The following ATP6V0A2 variants were observed in gnomAD, a reference collection of about 807,000 sequenced individuals.
The protein encoded by ATP6V0A2 is V-type proton ATPase 116 kDa subunit a 2.
In ATP6V0A2, 58 loss-of-function variants were observed where a neutral mutation model predicts 104.4. That is an observed-to-expected ratio of 0.56 (90% CI 0.45 to 0.69). ATP6V0A2 has a LOEUF of 0.69. Among genes scored for constraint, ATP6V0A2 ranks in the 30% least tolerant of loss-of-function variants. The probability of loss-of-function intolerance (pLI) is 0.00; values close to 1 mark genes in which losing one functional copy is unlikely to be tolerated. For synonymous variants in ATP6V0A2, 376 were observed against 397.9 expected (o/e 0.95, Z 0.65); for missense variants, 938 against 1,062.9 (o/e 0.88, Z 1.63).
chr12:123,751,846 T>G (rs1566291854), intron 16 of ATP6V0A2, among the ~76,000 whole-genome samples: 2 of 144,340 alleles, frequency 1.4e-5, no homozygotes, highest in Non-Finnish European at 3.0e-5. Context: ...TTTTCTTTTC[T>G]TTTCTTTCTT....
Position 123,754,464 on chromosome 12 carries a change from C to T in ATP6V0A2, c.2220C>T (p.Ile740=), listed in dbSNP as rs770098416. ...EILMTQVIHS[I]EYCLGCISNT... ...TAATGACCCAAGTAATCCATTCCAT[C>T]GAGTACTGTCTGGGATGCATCTCCA... Residue 740 remains isoleucine (I), a synonymous_variant, in exon 18 of 20, where the codon ATC becomes ATT. Coordinates refer to ENST00000330342, the MANE Select transcript of ATP6V0A2 (RefSeq NM_012463.4). The T allele has an allele frequency of 2.0e-5, 33 of 1,613,880 alleles. No homozygotes were observed. The highest frequency in any genetic ancestry group is 2.0e-4 in the East Asian group (9 of 44,890).
intron 18 of ATP6V0A2, chr12:123,754,749 T>C (rs956106754): frequency 5.2e-6 from 3 of 578,670 alleles, no homozygotes; most frequent in African/African-American, 3.7e-5. Flanking sequence ...AGGGAGTCTC[T>C]CTGAGGCTGG....
At chr12:123,731,774 CA>C (rs1956504065) in intron 6 of ATP6V0A2, 1 of 152,222 alleles carries the variant, frequency 6.6e-6, no homozygotes, top group South Asian at 2.1e-4. Context: ...CTGACTTATT[CA>C]TTCATTGTAT....
At chr12:123,725,170 T>C (rs1254612220) in intron 4 of ATP6V0A2, among the ~76,000 whole-genome samples, 3 of 152,114 alleles carry the variant, frequency 2.0e-5, no homozygotes, top group African/African-American at 4.8e-5. Flanking sequence ...CCAGACCCAG[T>C]TGATCCACCT....
rs1956788272 is a variant in ATP6V0A2 at position 123,758,980 on chromosome 12, G to C, written c.*948G>C. 6.6e-6 allele frequency: 1 copy of C among 152,514 alleles called. No homozygotes were observed. Among genetic ancestry groups the C allele is most frequent in the South Asian group, 2.1e-4 (1 of 4,828 alleles). The allele number at this position is 152,514 out of a possible 1,614,324, so 9.4% of individuals were successfully genotyped here. On this transcript the variant is annotated 3_prime_UTR_variant, in exon 20 of 20. Coordinates refer to ENST00000330342, the MANE Select transcript of ATP6V0A2 (RefSeq NM_012463.4). ...ATATTTTTTTAAAGACTCTTATCCT[G>C]TTACCCTTACATAAAACCAGTTATG... is the stretch of plus-strand genomic sequence containing the variant.
intron 2 of ATP6V0A2, among the ~76,000 whole-genome samples, chr12:123,721,986 C>A (rs916599246): frequency 3.9e-5 from 6 of 152,114 alleles, no homozygotes; most frequent in Non-Finnish European, 5.9e-5. Context: ...TTCATTCTGC[C>A]CCTGTAGATG....
chr12:123,761,544 T>G lies in ATP6V0A2; in HGVS notation c.*3512T>G, dbSNP rs1399693465. ...GAATTTTCAGAAATACTTAGTACAC[T>G]CCACCTGTTCTTTGATGGGAATATC... On this transcript the variant is annotated 3_prime_UTR_variant, in exon 20 of 20. Transcript: ENST00000330342. The G allele has an allele frequency of 6.6e-6, 1 of 152,158 alleles. No individual in the cohort carries two copies. The highest frequency in any genetic ancestry group is 1.5e-5 in the Non-Finnish European group (1 of 68,030). 9.4% of individuals were successfully genotyped at this position (152,158 alleles called of 1,614,324 possible).
At position 123,754,509 on chromosome 12, in the gene ATP6V0A2, G is replaced by A. The variant is rs1956745235; in HGVS notation, c.2265G>A (p.Arg755=). ...GCISNTASYL[R]LWALSLAHAQ... is the part of the protein sequence containing the mutation. The stretch of plus-strand genomic sequence containing the variant: ...TCTCCAACACCGCCTCCTACCTGAG[G>A]CTCTGGGCGCTTAGCCTGGCTCACG... Residue 755 remains arginine, a synonymous_variant, in exon 18 of 20, where the codon AGG becomes AGA. Coordinates refer to ENST00000330342, the MANE Select transcript of ATP6V0A2 (RefSeq NM_012463.4). 1 of 1,614,158 alleles carries A rather than the reference G, an allele frequency of 6.2e-7. No homozygotes were observed. The highest frequency in any genetic ancestry group is 8.5e-7 in the Non-Finnish European group (1 of 1,180,012).
intron 15 of ATP6V0A2, among the ~76,000 whole-genome samples, chr12:123,749,617 C>G (rs544068038): frequency 6.6e-6 from 1 of 152,224 alleles, no homozygotes; most frequent in African/African-American, 2.4e-5. Context: ...AAAGTGCGTA[C>G]GAACGTGCTT....
chr12:123,758,077 C>T lies in ATP6V0A2; in HGVS notation c.*45C>T, dbSNP rs779053877. 3 of 1,346,292 alleles carry T rather than the reference C, an allele frequency of 2.2e-6. No homozygotes were observed. The African/African-American group carries it at 4.3e-5, about 19-fold the overall frequency. The allele number at this position is 1,346,292 out of a possible 1,614,324, so 83.4% of individuals were successfully genotyped here. Reference sequence around the variant, plus strand: ...AAGCTTTCAGATTTATGGAGAATGACCATGTTATAGACTTTCACTTATGTC... The same window carrying T: ...AAGCTTTCAGATTTATGGAGAATGATCATGTTATAGACTTTCACTTATGTC... On this transcript the variant is annotated 3_prime_UTR_variant, in exon 20 of 20. Coordinates refer to ENST00000330342, the MANE Select transcript of ATP6V0A2 (RefSeq NM_012463.4).
At chr12:123,717,739 T>G (rs570143892) in intron 1 of ATP6V0A2, among the ~76,000 whole-genome samples, 1 of 152,264 alleles carries the variant, frequency 6.6e-6, no homozygotes, top group South Asian at 2.1e-4. Context: ...CTGCTGTGCC[T>G]GGCTATAATT....
chr12:123,743,447 A>G (rs2135908581), intron 9 of ATP6V0A2, among the ~76,000 whole-genome samples: 1 of 152,324 alleles, frequency 6.6e-6, no homozygotes, highest in Non-Finnish European at 1.5e-5. Context: ...TGAGGTCGGG[A>G]GTTCGAGACC....
At chr12:123,723,699 T>C (rs1956421880) in intron 3 of ATP6V0A2, 1 of 152,182 alleles carries the variant, frequency 6.6e-6, no homozygotes, top group African/African-American at 2.4e-5. Context: ...GACCTCGTGA[T>C]CCACCCACCT....
chr12:123,757,017 A>G, intron 19 of ATP6V0A2, 31 bp downstream of exon 19: 2 of 1,613,636 alleles, frequency 1.2e-6, no homozygotes. Context: ...TGGAGCTGTT[A>G]TTTAAAAAAC....
At chr12:123,726,071 AGAAGTCTTT>A in intron 4 of ATP6V0A2, 117 bp from the exon 5 acceptor site, 1 of 717,368 alleles carries the variant, frequency 1.4e-6, no homozygotes, top group Non-Finnish European at 2.5e-6. Context: ...AAGTTACCTC[AGAAGTCTTT>A]GCACCCAGAT....
intron 9 of ATP6V0A2, among the ~76,000 whole-genome samples, chr12:123,739,784 T>A (rs1432744737): frequency 6.6e-6 from 1 of 152,158 alleles, no homozygotes; most frequent in Non-Finnish European, 1.5e-5. Flanking sequence ...TGGGCTCATT[T>A]TTTTCCCCCT....
intron 6 of ATP6V0A2, chr12:123,731,935 G>A (rs116957652): frequency 0.025 from 3,811 of 152,090 alleles, 78 homozygotes; most frequent in Middle Eastern, 0.061. Flanking sequence ...TCTTCTTTCT[G>A]CCTTTAGAGA....
At chr12:123,737,699 G>A (rs558169533) in intron 9 of ATP6V0A2, 55 of 231,146 alleles carry the variant, frequency 2.4e-4, no homozygotes, top group African/African-American at 1.1e-3. Context: ...CAGTGCAGTG[G>A]CTTCCTCCCA....
Position 123,737,130 on chromosome 12 carries a change from G to C in ATP6V0A2, c.897G>C (p.Val299=), listed in dbSNP as rs1442381589. 1 of 1,614,116 alleles carries C rather than the reference G, an allele frequency of 6.2e-7. No individual in the cohort carries two copies. The highest frequency in any genetic ancestry group is 1.3e-5 in the African/African-American group (1 of 74,932). ...CKAAESVYSR[V]IQVKKMKAIY... ...CCGCCGAGTCTGTCTACAGCCGTGT[G>C]ATCCAGGTGAAGAAAATGAAGGCCA... is the stretch of plus-strand genomic sequence containing the variant. The change falls in exon 9 of 20, where the codon GTG becomes GTC. Residue 299 remains valine, a synonymous_variant. Transcript: ENST00000330342.
Sources: gnomAD v4.1 joint callset for allele counts (sites outside exome capture counted in the v4.1 genomes callset) on GRCh38, gnomAD v4.1.1 for gene constraint, MANE v1.5 for transcripts, NCBI Gene and HGNC (gene_info 2026-07-23, HGNC 2026-07-21) for gene names.